OLFM3: variants seen among roughly 807,000 people sequenced by gnomAD.
OLFM3 encodes olfactomedin 3, also known as noelin-3.
In OLFM3, 20 loss-of-function variants were observed where a neutral mutation model predicts 48.6. The observed-to-expected ratio is 0.41, with a 90% CI of 0.29 to 0.60. The LOEUF (loss-of-function observed/expected upper bound fraction) is 0.60, where lower values mean the gene tolerates loss of function less well. OLFM3 is among the 20% of genes least tolerant of loss of function. OLFM3 has a pLI of 0.28. For synonymous variants in OLFM3, 222 were observed against 198.1 expected, an observed-to-expected ratio of 1.12 and a Z score of -1.01; for missense variants, 437 against 544.3, an observed-to-expected ratio of 0.80 and a Z score of 1.96.
intron 1 of OLFM3, among the ~76,000 whole-genome samples, chr1:101,945,661 A>G (rs1358137250): frequency 1.3e-5 from 2 of 152,158 alleles, no homozygotes; most frequent in African/African-American, 4.8e-5. Flanking sequence ...ATAAAAATAA[A>G]AATCTGCTGG....
At chr1:101,950,643 A>G (rs1660116781) in intron 1 of OLFM3, among the ~76,000 whole-genome samples, 1 of 151,376 alleles carries the variant, frequency 6.6e-6, no homozygotes, top group African/African-American at 2.4e-5. Context: ...ACGGAGTTTC[A>G]CCGTGTTAGC....
chr1:101,856,102 A>T (rs1000349658), intron 1 of OLFM3, among the ~76,000 whole-genome samples: 1 of 151,986 alleles, frequency 6.6e-6, no homozygotes, highest in Admixed American at 6.6e-5. Context: ...GTAGGGTTTT[A>T]TGTAGCAGCA....
intron 1 of OLFM3, among the ~76,000 whole-genome samples, chr1:101,895,412 TACAC>T (rs35047632): frequency 0.21 from 30,743 of 143,992 alleles, 3,523 homozygotes; most frequent in Middle Eastern, 0.38. Flanking sequence ...AGCTCAAGAA[TACAC>T]ACACACACAC....
At chr1:101,974,243 G>A (rs1310169354) in intron 1 of OLFM3, among the ~76,000 whole-genome samples, 1 of 152,106 alleles carries the variant, frequency 6.6e-6, no homozygotes, top group Admixed American at 6.5e-5. Context: ...CCAATGACTA[G>A]CACTTTACAC....
chr1:101,837,360 A>T (rs1655477929), intron 1 of OLFM3, among the ~76,000 whole-genome samples: 1 of 152,020 alleles, frequency 6.6e-6, no homozygotes, highest in Non-Finnish European at 1.5e-5. Flanking sequence ...ATCACATATG[A>T]CTCGTCTTTC....
intron 1 of OLFM3, among the ~76,000 whole-genome samples, chr1:101,843,136 C>T (rs1557699111): frequency 6.6e-6 from 1 of 152,196 alleles, no homozygotes; most frequent in African/African-American, 2.4e-5. Context: ...TCAGGGGATT[C>T]TACTCATTTT....
At chr1:101,914,698 G>C (rs10493968) in intron 1 of OLFM3, among the ~76,000 whole-genome samples, 3 of 151,938 alleles carry the variant, frequency 2.0e-5, no homozygotes, top group African/African-American at 7.3e-5. Context: ...TGCTGTGTAG[G>C]TATAGCCAAA....
chr1:101,820,527 T>C (rs575800333), intron 4 of OLFM3, among the ~76,000 whole-genome samples: 6 of 152,168 alleles, frequency 3.9e-5, no homozygotes, highest in Admixed American at 1.3e-4. Flanking sequence ...TTGGAGTACA[T>C]TAAGAACTTA....
At chr1:101,956,547 C>A (rs933620120) in intron 1 of OLFM3, among the ~76,000 whole-genome samples, 2 of 151,828 alleles carry the variant, frequency 1.3e-5, no homozygotes, top group Non-Finnish European at 2.9e-5. Flanking sequence ...TGTTCTTTGA[C>A]ACTTTGCCAG....
intron 1 of OLFM3, among the ~76,000 whole-genome samples, chr1:101,932,378 C>A (rs949564398): frequency 1.3e-5 from 2 of 151,972 alleles, no homozygotes; most frequent in African/African-American, 4.8e-5. Context: ...ACCAATAGAC[C>A]ACGACATTGG....
intron 1 of OLFM3, among the ~76,000 whole-genome samples, chr1:101,843,197 G>C (rs886078644): frequency 3.3e-5 from 5 of 152,210 alleles, no homozygotes; most frequent in African/African-American, 1.2e-4. Flanking sequence ...ATGAGGAGAA[G>C]CCAGCTAGAC....
intron 1 of OLFM3, among the ~76,000 whole-genome samples, chr1:101,986,512 A>G (rs1182954218): frequency 2.0e-5 from 3 of 151,982 alleles, no homozygotes; most frequent in African/African-American, 7.2e-5. Context: ...TTAGTATATG[A>G]TTTTCTCTGA....
intron 1 of OLFM3, among the ~76,000 whole-genome samples, chr1:101,879,089 G>A (rs890106423): frequency 6.6e-6 from 1 of 151,840 alleles, no homozygotes; most frequent in Admixed American, 6.6e-5. Context: ...TTCTAACAAA[G>A]TTAAAGAAAA....
chr1:101,856,513 C>A (rs1353743817), intron 1 of OLFM3, among the ~76,000 whole-genome samples: 1 of 151,908 alleles, frequency 6.6e-6, no homozygotes, highest in Non-Finnish European at 1.5e-5. Flanking sequence ...TACGTCTGAA[C>A]ATAGCAATAG....
Position 101,869,852 on chromosome 1 carries a change from G to A in OLFM3, c.70-32827C>T, listed in dbSNP as rs566049080. Among the ~76,000 whole-genome samples, 3 of 152,220 alleles carry A rather than the reference G, an allele frequency of 2.0e-5. No homozygotes were observed. In the South Asian group the frequency reaches 6.2e-4, roughly 32 times the overall value. ...CTTGCTGCCGTGTGAAGAAGGACAT[G>A]TTTGCTTCCCCTTCTGCCATGACTG... On this transcript the variant is annotated intron_variant, in intron 1 of 5. Transcript: ENST00000370103.
intron 1 of OLFM3, among the ~76,000 whole-genome samples, chr1:101,977,170 T>C (rs1660979216): frequency 6.6e-6 from 1 of 152,196 alleles, no homozygotes; most frequent in African/African-American, 2.4e-5. Flanking sequence ...AAAGCATTTG[T>C]AATTAAATAA....
intron 1 of OLFM3, among the ~76,000 whole-genome samples, chr1:101,865,789 G>C (rs899969405): frequency 3.3e-5 from 5 of 152,146 alleles, no homozygotes; most frequent in African/African-American, 1.2e-4. Flanking sequence ...CAAGGACTAC[G>C]AGGTCAAAAT....
chr1:101,874,818 G>C (rs1172106547), intron 1 of OLFM3, among the ~76,000 whole-genome samples: 2 of 151,976 alleles, frequency 1.3e-5, no homozygotes, highest in Non-Finnish European at 1.5e-5. Flanking sequence ...TTAAGAAATA[G>C]GGGCATGGAT....
At chr1:101,958,177 T>A (rs141564819) in intron 1 of OLFM3, among the ~76,000 whole-genome samples, 1 of 152,246 alleles carries the variant, frequency 6.6e-6, no homozygotes, top group East Asian at 1.9e-4. Flanking sequence ...CATTATATGC[T>A]TTACTCAGTA....
Sources: allele counts gnomAD v4.1 joint callset (sites outside exome capture counted in the v4.1 genomes callset), GRCh38; gene constraint gnomAD v4.1.1; transcripts MANE v1.5; gene names NCBI Gene and HGNC (gene_info 2026-07-23, HGNC 2026-07-21).